Variants in MAPK10 observed in about 807,000 individuals in gnomAD.
The protein encoded by MAPK10 is mitogen-activated protein kinase 10.
Under a neutral mutation model 59.3 loss-of-function variants are expected in MAPK10, and 25 were observed. The observed-to-expected ratio is 0.42, with a 90% CI of 0.31 to 0.59. The LOEUF is 0.59. Ranked by LOEUF, MAPK10 falls within the 20% of genes least tolerant of loss-of-function variation. MAPK10 has a pLI of 0.15. For missense variants in MAPK10, 351 were observed against 568.9 expected (o/e 0.62, Z 3.90); for synonymous variants, 190 against 200.5 (o/e 0.95, Z 0.44).
chr4:86,262,582 A>C (rs1487841809), intron 2 of MAPK10, among the ~76,000 whole-genome samples: 1 of 152,210 alleles, frequency 6.6e-6, no homozygotes, highest in Non-Finnish European at 1.5e-5. Context: ...TACTGAACCT[A>C]GTACGATAAC....
At chr4:86,150,733 G>A (rs1400656378) in intron 4 of MAPK10, among the ~76,000 whole-genome samples, 2 of 152,142 alleles carry the variant, frequency 1.3e-5, no homozygotes, top group African/African-American at 4.8e-5. Flanking sequence ...GTGGCAGTGG[G>A]CTCCTGTAGT....
At chr4:86,585,005 CT>C (rs1294310222) in intron 1 of MAPK10, among the ~76,000 whole-genome samples, 6 of 152,228 alleles carry the variant, frequency 3.9e-5, no homozygotes, top group Admixed American at 3.3e-4. Context: ...CCAATTCAAG[CT>C]GCTATTGAGA....
intron 2 of MAPK10, among the ~76,000 whole-genome samples, chr4:86,244,814 A>T (rs2092973458): frequency 6.6e-6 from 1 of 152,200 alleles, no homozygotes; most frequent in South Asian, 2.1e-4. Flanking sequence ...AAGTATTCTC[A>T]CATTTTTTAT....
chr4:86,398,834 C>T (rs887118206), intron 1 of MAPK10, among the ~76,000 whole-genome samples: 2 of 152,122 alleles, frequency 1.3e-5, no homozygotes, highest in Non-Finnish European at 2.9e-5. Flanking sequence ...ATTTAGCTCC[C>T]ATTTATGAGT....
intron 2 of MAPK10, among the ~76,000 whole-genome samples, chr4:86,215,385 C>A (rs1408739344): frequency 6.6e-6 from 1 of 151,890 alleles, no homozygotes; most frequent in East Asian, 1.9e-4. Flanking sequence ...AAGACACAAG[C>A]AACAAAAGCA....
intron 1 of MAPK10, among the ~76,000 whole-genome samples, chr4:86,513,213 T>A (rs548700350): frequency 1.6e-4 from 25 of 152,166 alleles, no homozygotes; most frequent in Admixed American, 7.9e-4. Flanking sequence ...ATGCTCAATT[T>A]ATTTTTTTAC....
chr4:86,096,421 G>A (rs2054237018), intron 9 of MAPK10, among the ~76,000 whole-genome samples: 1 of 151,648 alleles, frequency 6.6e-6, no homozygotes, highest in South Asian at 2.1e-4. Context: ...TCTTTTATTG[G>A]CTTTTAAATT....
chr4:86,426,284 G>T (rs1203211312), intron 1 of MAPK10, among the ~76,000 whole-genome samples: 2 of 152,122 alleles, frequency 1.3e-5, no homozygotes, highest in Non-Finnish European at 2.9e-5. Flanking sequence ...TAATTGGTCT[G>T]CCACTATGGA....
At chr4:86,118,579 TACAC>T (rs148000432) in intron 4 of MAPK10, among the ~76,000 whole-genome samples, 98,299 of 146,206 alleles carry the variant, frequency 0.67, 33,908 homozygotes, top group Non-Finnish European at 0.76. Context: ...TAAATACACA[TACAC>T]ACACACACAC....
intron 3 of MAPK10, among the ~76,000 whole-genome samples, chr4:86,165,853 A>G (rs2071512212): frequency 6.6e-6 from 1 of 152,038 alleles, no homozygotes; most frequent in African/African-American, 2.4e-5. Flanking sequence ...TCACTTTTAC[A>G]TTAGTTAGTT....
chr4:86,348,232 G>A (rs1419210704), intron 2 of MAPK10, among the ~76,000 whole-genome samples: 2 of 152,134 alleles, frequency 1.3e-5, no homozygotes, highest in African/African-American at 2.4e-5. Context: ...AGACAGCACA[G>A]TAATAAGCAT....
chr4:86,043,930 T>C (rs966222072), intron 11 of MAPK10, among the ~76,000 whole-genome samples: 8 of 152,192 alleles, frequency 5.3e-5, no homozygotes, highest in Non-Finnish European at 7.4e-5. Context: ...GCAGAGGCCA[T>C]ATTTAAACCC....
intron 2 of MAPK10, among the ~76,000 whole-genome samples, chr4:86,263,435 T>A (rs1013028107): frequency 1.2e-4 from 18 of 152,182 alleles, no homozygotes; most frequent in Non-Finnish European, 5.9e-5. Context: ...ATAAATACTA[T>A]TTTTCCTGGT....
chr4:86,162,803 T>C (rs985105367), intron 3 of MAPK10, among the ~76,000 whole-genome samples: 1 of 152,070 alleles, frequency 6.6e-6, no homozygotes, highest in African/African-American at 2.4e-5. Context: ...TGATCTGTGT[T>C]TTCCCCAACT....
At chr4:86,440,444 G>T (rs1749268885) in intron 1 of MAPK10, among the ~76,000 whole-genome samples, 1 of 152,082 alleles carries the variant, frequency 6.6e-6, no homozygotes, top group Non-Finnish European at 1.5e-5. Context: ...AGATCAGCCT[G>T]GGCAAGTGAG....
upstream of MAPK10, among the ~76,000 whole-genome samples, chr4:86,361,910 G>A (rs563068763): frequency 3.0e-4 from 45 of 152,256 alleles, no homozygotes; most frequent in South Asian, 8.3e-3. Flanking sequence ...GGAAAGGGGG[G>A]ACATTGGTTA....
intron 3 of MAPK10, chr4:86,191,980 T>G (rs1456346795): frequency 6.6e-6 from 1 of 152,146 alleles, no homozygotes; most frequent in African/African-American, 2.4e-5. Context: ...TGACAGAATC[T>G]CTCAGCATTT....
At chr4:86,115,795 T>A (rs2149100731) in intron 4 of MAPK10, among the ~76,000 whole-genome samples, 1 of 152,238 alleles carries the variant, frequency 6.6e-6, no homozygotes, top group South Asian at 2.1e-4. Flanking sequence ...TTGGCTCCTC[T>A]CCCTCCATCC....
At chr4:86,338,612 A>G (rs1723018077) in intron 2 of MAPK10, among the ~76,000 whole-genome samples, 2 of 152,196 alleles carry the variant, frequency 1.3e-5, no homozygotes, top group Admixed American at 6.5e-5. Flanking sequence ...TTTTATAGAC[A>G]CATGTTTTTC....
Sources: gnomAD v4.1 joint callset for allele counts (sites outside exome capture counted in the v4.1 genomes callset) on GRCh38, gnomAD v4.1.1 for gene constraint, MANE v1.5 for transcripts, NCBI Gene and HGNC (gene_info 2026-07-23, HGNC 2026-07-21) for gene names.